Variants in SLC25A30 observed in about 807,000 individuals in gnomAD.
SLC25A30 encodes the protein kidney mitochondrial carrier protein 1.
In SLC25A30, 29 loss-of-function variants were observed where a neutral mutation model predicts 42.7. That is an observed-to-expected ratio of 0.68 (90% CI 0.51 to 0.93). The LOEUF is 0.93. Ranked by LOEUF, SLC25A30 falls within the 40% of genes least tolerant of loss-of-function variation. SLC25A30 has a pLI of 0.00. For missense variants in SLC25A30, 300 were observed against 359.7 expected (o/e 0.83, Z 1.34); for synonymous variants, 124 against 131.0 (o/e 0.95, Z 0.37).
At chr13:45,396,080 G>C in intron 9 of SLC25A30, 65 bp from the exon 10 acceptor site, 2 of 1,613,938 alleles carry the variant, frequency 1.2e-6, no homozygotes, top group Non-Finnish European at 1.7e-6. Context: ...CATAACAACA[G>C]ACTTACAAAT....
rs762285387 is a variant in SLC25A30 at position 45,411,380 on chromosome 13, A to T, written c.46T>A (p.Ser16Thr). 6.2e-7 allele frequency: 1 copy of T among 1,613,892 alleles called. No homozygotes were observed. Among genetic ancestry groups the T allele is most frequent in the Admixed American group, 1.7e-5 (1 of 60,000 alleles). Residue 16 changes from serine to threonine, a missense_variant, in exon 2 of 10, where the codon TCC (serine) becomes ACC (threonine). Ser to Thr is a moderately conservative substitution (Grantham distance 58). Coordinates refer to ENST00000519676, the MANE Select transcript of SLC25A30 (RefSeq NM_001010875.4). ...TCCTTACCGCACTCAGCAGTGATGGAGGCCAGCCCCCCGTACACAAACGGC... is the reference window on the plus strand; with the variant it reads ...TCCTTACCGCACTCAGCAGTGATGGTGGCCAGCCCCCCGTACACAAACGGC... ...WKPFVYGGLASITAECGTFPI... is the reference protein window; with the variant it reads ...WKPFVYGGLATITAECGTFPI...
the SLC25A30 span, among the ~76,000 whole-genome samples, chr13:45,426,544 C>G: frequency 1.3e-5 from 2 of 152,048 alleles, no homozygotes; most frequent in Non-Finnish European, 2.9e-5. Flanking sequence ...GCAAAATTTG[C>G]ATTTAAATAT....
At position 45,399,084 on chromosome 13, in the gene SLC25A30, A is replaced by C; in HGVS notation, c.615-6T>G. 2 of 1,580,548 alleles carry C rather than the reference A, an allele frequency of 1.3e-6. No individual in the cohort carries two copies. Among genetic ancestry groups the C allele is most frequent in the Non-Finnish European group, 1.7e-6 (2 of 1,168,722 alleles). On this transcript the variant is annotated splice_polypyrimidine_tract_variant and splice_region_variant and intron_variant, in intron 7 of 9. Coordinates refer to ENST00000519676, the MANE Select transcript of SLC25A30 (RefSeq NM_001010875.4). Reference sequence around the variant, plus strand: ...GACCACAGGTGAAGCTTGAGCTATAAAGACACCATTGGAAAAAAAAAAAAA... The same window carrying C: ...GACCACAGGTGAAGCTTGAGCTATACAGACACCATTGGAAAAAAAAAAAAA...
chr13:45,397,215 T>C, intron 9 of SLC25A30, 43 bp downstream of exon 9: 1 of 1,238,652 alleles, frequency 8.1e-7, no homozygotes, highest in South Asian at 1.2e-5. Flanking sequence ...TAGTATTCTT[T>C]AGCTGTATCT....
chr13:45,394,320 T>G lies in SLC25A30; in HGVS notation c.*1654A>C, dbSNP rs1881159092. ...TTAGCTCTCACTTTTGGAAATAATA[T>G]TCAAAGGGACCATTCATGCATAAGG... On this transcript the variant is annotated 3_prime_UTR_variant, in exon 10 of 10. Transcript: ENST00000519676. The G allele has an allele frequency of 3.1e-6, 3 of 979,632 alleles. No individual in the cohort carries two copies. Among genetic ancestry groups the G allele is most frequent in the Non-Finnish European group, 3.6e-6 (3 of 828,762 alleles). The allele number at this position is 979,632 out of a possible 1,614,324, so 60.7% of individuals were successfully genotyped here. A position where few individuals can be genotyped will look rare whatever the true frequency, so the allele number is the denominator to read the frequency against.
rs1882445175 is a variant in SLC25A30 at position 45,405,832 on chromosome 13, A to C, written c.307+51T>G. On this transcript the variant is annotated intron_variant, in intron 4 of 9. Transcript: ENST00000519676. ...CTGCTCCAAAACCACTTGAATAAAA[A>C]GACAGACAACCAACCTCCTGTCCAC... is the stretch of plus-strand genomic sequence containing the variant. 4 of 1,559,320 alleles carry C rather than the reference A, an allele frequency of 2.6e-6. No homozygotes were observed. In the East Asian group the frequency reaches 9.0e-5, roughly 35 times the overall value.
the SLC25A30 span, among the ~76,000 whole-genome samples, chr13:45,424,768 A>G: frequency 1.9e-5 from 1 of 52,188 alleles, no homozygotes; most frequent in African/African-American, 9.2e-5. Flanking sequence ...AAATATATAA[A>G]TATATATATA....
chr13:45,418,958 A>C (rs1405439609), upstream of SLC25A30, among the ~76,000 whole-genome samples: 60 of 78,594 alleles, frequency 7.6e-4, no homozygotes, highest in Non-Finnish European at 1.3e-3. Flanking sequence ...AAAAAAAAAA[A>C]AAAAAAAAAA....
the SLC25A30 span, among the ~76,000 whole-genome samples, chr13:45,424,134 A>C: frequency 5.7e-5 from 3 of 53,028 alleles, no homozygotes; most frequent in Non-Finnish European, 9.5e-5. Flanking sequence ...TAAATATATA[A>C]ATATATAAAT....
chr13:45,425,012 A>AT, the SLC25A30 span, among the ~76,000 whole-genome samples: 3 of 47,622 alleles, frequency 6.3e-5, no homozygotes, highest in African/African-American at 1.0e-4. Context: ...AAATATATAT[A>AT]AATATACATA....
chr13:45,401,192 C>T lies in SLC25A30; in HGVS notation c.505G>A (p.Ala169Thr). The T allele has an allele frequency of 2.5e-6, 4 of 1,613,916 alleles. No individual in the cohort carries two copies. Among genetic ancestry groups the T allele is most frequent in the Non-Finnish European group, 3.4e-6 (4 of 1,179,946 alleles). Reference protein sequence around the residue: ...RGLWKGVSLTAQRAAIVVGVE... With the variant: ...RGLWKGVSLTTQRAAIVVGVE... ...CCAACAACAATAGCAGCCCTCTGCG[C>T]AGTAAGGGACACACCCTGGGTAAAA... The change falls in exon 7 of 10, where the codon GCG becomes ACG. Residue 169 changes from alanine (A) to threonine (T), a missense_variant. Ala to Thr is a moderately conservative substitution (Grantham distance 58). Transcript: ENST00000519676.
At chr13:45,423,790 A>T in the SLC25A30 span, among the ~76,000 whole-genome samples, 1 of 75,156 alleles carries the variant, frequency 1.3e-5, no homozygotes, top group South Asian at 4.1e-4. Context: ...ATATAAATAT[A>T]TAAATATATA....
In SLC25A30 at chr13:45,396,020, G is replaced by T. The variant is rs942616494; in HGVS notation, c.835-5C>A. On this transcript the variant is annotated splice_polypyrimidine_tract_variant and splice_region_variant and intron_variant, in intron 9 of 9. Transcript: ENST00000519676. ...CTGCTCGTATGTCACAAAGAACTGT[G>T]GTTATGGGTTAAGGATGACACAGAA... 2 of 1,614,040 alleles carry T rather than the reference G, an allele frequency of 1.2e-6. No homozygotes were observed. Among genetic ancestry groups the T allele is most frequent in the Non-Finnish European group, 1.7e-6 (2 of 1,180,036 alleles).
chr13:45,408,226 C>G (rs73183457), intron 3 of SLC25A30, among the ~76,000 whole-genome samples: 3,871 of 152,246 alleles, frequency 0.025, 68 homozygotes, highest in Non-Finnish European at 0.041. Context: ...GAGACAGTAT[C>G]CTTCACCCCA....
chr13:45,405,849 C>T, intron 4 of SLC25A30, 34 bp downstream of exon 4: 5 of 1,601,716 alleles, frequency 3.1e-6, no homozygotes, highest in Middle Eastern at 1.7e-4. Context: ...CAACCAACCT[C>T]CTGTCCACAG....
intron 2 of SLC25A30, among the ~76,000 whole-genome samples, chr13:45,409,369 A>T (rs999396538): frequency 6.6e-6 from 1 of 152,224 alleles, no homozygotes; most frequent in Non-Finnish European, 1.5e-5. Context: ...ACGTGGTATG[A>T]TTTACCTAAA....
chr13:45,412,280 A>C (rs6561228), intron 1 of SLC25A30, among the ~76,000 whole-genome samples: 23,416 of 151,684 alleles, frequency 0.15, 2,124 homozygotes, highest in African/African-American at 0.24. Flanking sequence ...CCACCATGCC[A>C]GCCTAATTGT....
intron 3 of SLC25A30, 50 bp from the exon 4 acceptor site, chr13:45,406,027 C>A (rs753246417): frequency 1.3e-6 from 2 of 1,568,638 alleles, no homozygotes; most frequent in East Asian, 2.2e-5. Context: ...AATCACTTAA[C>A]ATCGGCTAGG....
upstream of SLC25A30, among the ~76,000 whole-genome samples, chr13:45,422,299 T>TA (rs1033754889): frequency 2.0e-5 from 3 of 152,090 alleles, no homozygotes; most frequent in African/African-American, 7.2e-5. Context: ...TGAAAGGGCT[T>TA]AGTCAGACCT....
Sources: gnomAD v4.1 joint callset for allele counts (sites outside exome capture counted in the v4.1 genomes callset) on GRCh38, gnomAD v4.1.1 for gene constraint, MANE v1.5 for transcripts, NCBI Gene and HGNC (gene_info 2026-07-23, HGNC 2026-07-21) for gene names.